ARRDC2: variants seen among roughly 807,000 people sequenced by gnomAD.
ARRDC2 encodes arrestin domain containing 2.
Under a neutral mutation model 38.9 loss-of-function variants are expected in ARRDC2, and 39 were observed. The observed-to-expected ratio is 1.00, with a 90% CI of 0.78 to 1.31. ARRDC2 has a LOEUF of 1.31. Ranked by LOEUF, ARRDC2 falls within the 50% of genes most tolerant of loss-of-function variation. The pLI is 0.00. For missense variants in ARRDC2, 553 were observed against 588.4 expected, an observed-to-expected ratio of 0.94 and a Z score of 0.62; for synonymous variants, 300 against 261.9, an observed-to-expected ratio of 1.15 and a Z score of -1.41.
At chr19:18,005,892 G>C (rs1298081992), upstream of ARRDC2, among the ~76,000 whole-genome samples, 59 of 148,016 alleles carry the variant, frequency 4.0e-4, 1 homozygote, top group Non-Finnish European at 7.2e-4. Context: ...CGGGCGGAGG[G>C]GCTCCTCACT....
chr19:18,013,350 A>G lies in ARRDC2; in HGVS notation c.*384A>G, dbSNP rs987555401. ...GAGACCTGCAACTGTGAGAGTCCAGACAGGAAGCAGAGAAGGCGTCCTTGC... is the reference window on the plus strand; with the variant it reads ...GAGACCTGCAACTGTGAGAGTCCAGGCAGGAAGCAGAGAAGGCGTCCTTGC... On this transcript the variant is annotated 3_prime_UTR_variant, in exon 8 of 8. Transcript: ENST00000222250. 1.0e-5 allele frequency: 2 copies of G among 193,544 alleles called. No homozygotes were observed. Among genetic ancestry groups the G allele is most frequent in the Admixed American group, 6.1e-5 (1 of 16,510 alleles). The allele number at this position is 193,544 out of a possible 1,614,324, so 12.0% of individuals were successfully genotyped here.
Position 18,009,119 on chromosome 19 carries a change from G to A in ARRDC2, c.489+1G>A. The A allele has an allele frequency of 3.7e-6, 6 of 1,613,392 alleles. No homozygotes were observed. Among genetic ancestry groups the A allele is most frequent in the Non-Finnish European group, 5.1e-6 (6 of 1,179,872 alleles). ...GGACATCAACACGCCAGCCCTGCTGGTGAGTGGCCACCCTTGGGGAGGTAG... is the reference window on the plus strand; with the variant it reads ...GGACATCAACACGCCAGCCCTGCTGATGAGTGGCCACCCTTGGGGAGGTAG... On this transcript the variant is annotated splice_donor_variant, in intron 3 of 7. Transcript: ENST00000222250. LOFTEE classifies it high-confidence loss of function.
upstream of ARRDC2, among the ~76,000 whole-genome samples, chr19:18,006,360 T>C (rs2033277748): frequency 1.3e-5 from 2 of 152,156 alleles, no homozygotes; most frequent in East Asian, 3.9e-4. Context: ...TTAACGAGAC[T>C]CTGTCTGCAA....
upstream of ARRDC2, among the ~76,000 whole-genome samples, chr19:18,005,673 A>AC (rs1227495855): frequency 2.0e-4 from 29 of 143,910 alleles, no homozygotes; most frequent in Admixed American, 4.8e-4. Context: ...CAGGGGGCTG[A>AC]CCCCCCCACC....
At chr19:18,010,806 T>C (rs965477430) in intron 7 of ARRDC2, 77 bp downstream of exon 7, 8 of 1,504,094 alleles carry the variant, frequency 5.3e-6, no homozygotes, top group Non-Finnish European at 7.2e-6. Flanking sequence ...ACATAGTAGA[T>C]GGGTTTTTTT....
Position 18,008,287 on chromosome 19 carries a change from T to C in ARRDC2, c.-24T>C, listed in dbSNP as rs898195620. On this transcript the variant is annotated 5_prime_UTR_variant, in exon 1 of 8. Coordinates refer to ENST00000222250, the MANE Select transcript of ARRDC2 (RefSeq NM_015683.2). ...CGAGTTCGAGGCCAGGTTCCGCCTG[T>C]CGTGGGTTCGCACCCCGGACGCGAT... 3.2e-6 allele frequency: 5 copies of C among 1,586,914 alleles called. No individual in the cohort carries two copies. The African/African-American group carries it at 4.1e-5, about 13-fold the overall frequency.
chr19:18,008,159 C>T (rs947059281), upstream of ARRDC2: 1 of 1,406,526 alleles, frequency 7.1e-7, no homozygotes, highest in Non-Finnish European at 9.2e-7. Flanking sequence ...GGCGCCGACG[C>T]ACGGCGCGGG....
exon 1 of ARRDC2, chr19:18,001,468 G>A: frequency 7.8e-7 from 1 of 1,277,598 alleles, no homozygotes; most frequent in Non-Finnish European, 9.9e-7. Context: ...GCGCGGCGGG[G>A]CGGCCACCCA....
At chr19:18,003,477 CAG>C (rs946748348), upstream of ARRDC2, among the ~76,000 whole-genome samples, 58 of 150,532 alleles carry the variant, frequency 3.9e-4, no homozygotes, top group African/African-American at 1.0e-3. Context: ...TTTTCTGAGA[CAG>C]AGTCTCACTC....
upstream of ARRDC2, chr19:18,008,023 G>A (rs540999351): frequency 1.9e-5 from 15 of 779,344 alleles, no homozygotes; most frequent in East Asian, 5.5e-4. Context: ...CGGTGAGCAG[G>A]GGCGTTTGTT....
chr19:18,009,744 C>T, intron 4 of ARRDC2, 39 bp from the exon 5 acceptor site: 2 of 1,612,762 alleles, frequency 1.2e-6, no homozygotes, highest in African/African-American at 1.3e-5. Flanking sequence ...GTTGGGGTTG[C>T]AGGAGGGGAA....
Position 18,009,123 on chromosome 19 carries a change from G to A in ARRDC2, c.489+5G>A. 1 of 1,613,274 alleles carries A rather than the reference G, an allele frequency of 6.2e-7. No individual in the cohort carries two copies. The highest frequency in any genetic ancestry group is 8.5e-7 in the Non-Finnish European group (1 of 1,179,830). On this transcript the variant is annotated splice_donor_5th_base_variant and intron_variant, in intron 3 of 7. Transcript: ENST00000222250. Reference sequence around the variant, plus strand: ...ATCAACACGCCAGCCCTGCTGGTGAGTGGCCACCCTTGGGGAGGTAGGTTG... The same window carrying A: ...ATCAACACGCCAGCCCTGCTGGTGAATGGCCACCCTTGGGGAGGTAGGTTG...
At chr19:18,001,209 CT>C in exon 1 of ARRDC2, 3 of 1,083,514 alleles carry the variant, frequency 2.8e-6, no homozygotes, top group Non-Finnish European at 3.4e-6. Flanking sequence ...CCGGAGGAAG[CT>C]TGGGGGACGC....
At chr19:18,008,017 G>A (rs947609383), upstream of ARRDC2, among the ~76,000 whole-genome samples, 1 of 152,248 alleles carries the variant, frequency 6.6e-6, no homozygotes, top group East Asian at 1.9e-4. Context: ...AGCCGGCGGT[G>A]AGCAGGGGCG....
Position 18,008,477 on chromosome 19 carries a change from A to C in ARRDC2, c.167A>C (p.His56Pro). ...AGGCTGCGCGCGCGGGGCCGCGCCC[A>C]CGTGCACTGGACCGAGTCGCGCAGC... The part of the protein sequence containing the change: ...ALRLRARGRA[H>P]VHWTESRSAG... The change falls in exon 1 of 8, where the codon CAC becomes CCC. Residue 56 changes from histidine (H) to proline (P), a missense_variant. Transcript: ENST00000222250. The C allele has an allele frequency of 6.5e-7, 1 of 1,531,484 alleles. No homozygotes were observed. Among genetic ancestry groups the C allele is most frequent in the Non-Finnish European group, 8.7e-7 (1 of 1,146,042 alleles). The allele number at this position is 1,531,484 out of a possible 1,614,324, so 94.9% of individuals were successfully genotyped here.
At chr19:18,002,032 TTTCAAAGCAGGGGGACCCTCC>T (rs1237575631) in intron 1 of ARRDC2, among the ~76,000 whole-genome samples, 1 of 152,090 alleles carries the variant, frequency 6.6e-6, no homozygotes, top group Non-Finnish European at 1.5e-5. Context: ...GGGAGACCCC[TTTCAAAGCAGGGGGACCCTCC>T]TATTAGAGTC....
Position 18,008,366 on chromosome 19 carries a change from G to T in ARRDC2, c.56G>T (p.Gly19Val), listed in dbSNP as rs1397948358. 1.9e-6 allele frequency: 3 copies of T among 1,596,884 alleles called. No individual in the cohort carries two copies. Among genetic ancestry groups the T allele is most frequent in the Middle Eastern group, 1.7e-4 (1 of 6,046 alleles). ...GTGCAGTTGGACGGCGCGACCGCGG[G>T]CGTCGAGCCCGTGTTTAGCGGCGGC... ...FSVQLDGATA[G>V]VEPVFSGGQA... The change falls in exon 1 of 8, where the codon GGC (glycine) becomes GTC (valine). Residue 19 changes from glycine (G) to valine (V), a missense_variant. This residue lies in a region of ARRDC2 where 447 missense variants were observed against 456.6 expected (regional missense o/e 0.98). Transcript: ENST00000222250.
chr19:18,010,432 A>C, intron 6 of ARRDC2, 74 bp downstream of exon 6: 1 of 1,564,514 alleles, frequency 6.4e-7, no homozygotes, highest in South Asian at 1.1e-5. Context: ...CAACTCTCTC[A>C]CCACGAGTCC....
chr19:18,009,195 C>A, intron 3 of ARRDC2, 77 bp downstream of exon 3: 2 of 1,532,592 alleles, frequency 1.3e-6, no homozygotes, highest in Non-Finnish European at 1.8e-6. Flanking sequence ...CGACACCAAC[C>A]AATAAGATGG....
Sources: allele counts gnomAD v4.1 joint callset (sites outside exome capture counted in the v4.1 genomes callset), GRCh38; gene constraint gnomAD v4.1.1; regional missense constraint gnomAD v4.1.1; transcripts MANE v1.5; gene names NCBI Gene and HGNC (gene_info 2026-07-23, HGNC 2026-07-21).